The following NGDN variants were observed in gnomAD, a reference collection of about 807,000 sequenced individuals.
NGDN encodes EIF4E-binding protein.
Under a neutral mutation model 45.2 loss-of-function variants are expected in NGDN, and 41 were observed. That is an observed-to-expected ratio of 0.91 (90% confidence interval 0.71 to 1.18). The LOEUF (loss-of-function observed/expected upper bound fraction) is 1.18. Ranked by LOEUF, NGDN falls within the 50% of genes most tolerant of loss-of-function variation. NGDN has a pLI of 0.00. For synonymous variants in NGDN, 137 were observed against 130.9 expected, an observed-to-expected ratio of 1.05 and a Z score of -0.32; for missense variants, 402 against 399.9, an observed-to-expected ratio of 1.01 and a Z score of -0.05.
intron 2 of NGDN, 88 bp downstream of exon 2, chr14:23,470,189 G>T (rs775101655): frequency 8.9e-7 from 1 of 1,129,438 alleles, no homozygotes; most frequent in Non-Finnish European, 1.3e-6. Flanking sequence ...ATTGAGATAC[G>T]TGAATGCTTC....
Position 23,469,721 on chromosome 14 carries a change from GGC to G in NGDN, c.9_10del (p.Leu4GlyfsTer80). MA[A>X]LGVLESDLPS... ...AAGGGGTGGGCTTTGCGAAGATGGC[GGC>G]GCTGGTGAGTTTGGTGTGGTTTCTT... On this transcript the variant is annotated frameshift_variant, in exon 1 of 11. Transcript: ENST00000408901. LOFTEE classifies it high-confidence loss of function. 6.2e-7 allele frequency: 1 copy of G among 1,614,164 alleles called. No individual in the cohort carries two copies. Among genetic ancestry groups the G allele is most frequent in the Non-Finnish European group, 8.5e-7 (1 of 1,180,014 alleles).
intron 3 of NGDN, among the ~76,000 whole-genome samples, chr14:23,472,242 T>C (rs1893797290): frequency 6.8e-6 from 1 of 147,778 alleles, no homozygotes; most frequent in South Asian, 2.1e-4. Flanking sequence ...ACACCTATAA[T>C]TCCAGCACTT....
intron 10 of NGDN, chr14:23,477,780 C>T: frequency 2.1e-6 from 3 of 1,455,844 alleles, no homozygotes; most frequent in Non-Finnish European, 2.7e-6. Context: ...GGTCCCACAG[C>T]TCCTGTTCAG....
intron 10 of NGDN, chr14:23,477,762 G>A (rs539782366): frequency 3.7e-4 from 535 of 1,456,002 alleles, no homozygotes; most frequent in Non-Finnish European, 4.5e-4. Flanking sequence ...TCTGGATTCT[G>A]CCTCTAAGGT....
chr14:23,471,894 A>G (rs1893785697), intron 3 of NGDN, among the ~76,000 whole-genome samples: 1 of 152,142 alleles, frequency 6.6e-6, no homozygotes, highest in Admixed American at 6.5e-5. Context: ...ATGTTAAAAT[A>G]TGAAAACCAT....
intron 6 of NGDN, 24 bp downstream of exon 6, chr14:23,475,802 G>T (rs777806835): frequency 6.2e-7 from 1 of 1,608,158 alleles, no homozygotes; most frequent in Non-Finnish European, 8.5e-7. Flanking sequence ...GTATTCTCCT[G>T]ATTTTTTTCT....
intron 1 of NGDN, 86 bp from the exon 2 acceptor site, chr14:23,469,956 G>A (rs1893733572): frequency 1.4e-6 from 2 of 1,427,122 alleles, no homozygotes. Context: ...GACGGAGAGA[G>A]GGCAGTTTCC....
intron 3 of NGDN, among the ~76,000 whole-genome samples, chr14:23,473,439 G>A: frequency 6.6e-6 from 1 of 152,240 alleles, no homozygotes; most frequent in East Asian, 1.9e-4. Context: ...CTTTTACTAG[G>A]TGCTTTATAG....
rs143681740 is a variant in NGDN, at chr14:23,478,039, A to T, written c.*13A>T. ...GAGGCGGCGGTGATTATGGGTGTAC[A>T]TATTTGTATATTTTTTGTCATCCTG... On this transcript the variant is annotated 3_prime_UTR_variant, in exon 11 of 11. Transcript: ENST00000408901. The T allele has an allele frequency of 2.6e-3, 4,182 of 1,612,658 alleles. 9 individuals are homozygous for T. Among genetic ancestry groups the T allele is most frequent in the Non-Finnish European group, 3.4e-3 (3,979 of 1,178,860 alleles).
intron 1 of NGDN, 47 bp from the exon 2 acceptor site, chr14:23,469,995 C>T: frequency 6.3e-7 from 1 of 1,590,658 alleles, no homozygotes; most frequent in Non-Finnish European, 8.6e-7. Flanking sequence ...TTCCTATAAT[C>T]CTGAGGAAAG....
At chr14:23,477,053 G>A (rs1230446925) in intron 8 of NGDN, 147 bp from the exon 9 acceptor site, 6 of 682,468 alleles carry the variant, frequency 8.8e-6, no homozygotes, top group Non-Finnish European at 1.5e-5. Flanking sequence ...CATTCAATAT[G>A]TCCTTACTAA....
In NGDN at chr14:23,469,865, C is replaced by T. The variant is rs1313635783; in HGVS notation, c.12+138C>T. ...AGGGAGGCGGCCTCCCTAGAGTTAC[C>T]GTTCCTGTCCGGTAACCCAAGGGGC... On this transcript the variant is annotated intron_variant, in intron 1 of 10. Coordinates refer to ENST00000408901, the MANE Select transcript of NGDN (RefSeq NM_001042635.2). The T allele has an allele frequency of 2.3e-6, 3 of 1,289,944 alleles. No homozygotes were observed. The East Asian group carries it at 7.0e-5, about 30-fold the overall frequency. 79.9% of individuals were successfully genotyped at this position (1,289,944 alleles called of 1,614,324 possible). A position where few individuals can be genotyped will look rare whatever the true frequency, so the allele number is the denominator to read the frequency against.
chr14:23,476,391 C>T lies in NGDN; in HGVS notation c.697C>T (p.Gln233Ter). The change falls in exon 8 of 11, where the codon CAG (glutamine) becomes TAG (stop). Residue 233 changes from glutamine to a stop codon, truncating the protein, a stop_gained. Coordinates refer to ENST00000408901, the MANE Select transcript of NGDN (RefSeq NM_001042635.2). LOFTEE classifies it high-confidence loss of function. ...ARHPHVTRQSQEDQHRINYEE... is the reference protein window; with the variant it reads ...ARHPHVTRQS Reference sequence around the variant, plus strand: ...GCATCCCCATGTTACCCGCCAGAGTCAGGAGGACCAACACAGGTCTGAGCC... The same window carrying T: ...GCATCCCCATGTTACCCGCCAGAGTTAGGAGGACCAACACAGGTCTGAGCC... The T allele has an allele frequency of 6.2e-7, 1 of 1,611,772 alleles. No homozygotes were observed. Among genetic ancestry groups the T allele is most frequent in the South Asian group, 1.1e-5 (1 of 90,984 alleles).
chr14:23,473,341 G>A (rs142494888), intron 3 of NGDN, among the ~76,000 whole-genome samples: 179 of 152,252 alleles, frequency 1.2e-3, no homozygotes, highest in Admixed American at 9.5e-3. Context: ...TTTTGGAGAT[G>A]GATGAGTTGC....
rs982689709 is a variant in NGDN at position 23,470,791 on chromosome 14, C to G, written c.73-115C>G. 4.2e-6 allele frequency: 3 copies of G among 721,504 alleles called. No homozygotes were observed. In the South Asian group the frequency reaches 5.8e-5, roughly 14 times the overall value. The allele number at this position is 721,504 out of a possible 1,614,324, so 44.7% of individuals were successfully genotyped here. On this transcript the variant is annotated intron_variant, in intron 2 of 10. Transcript: ENST00000408901. The stretch of plus-strand genomic sequence containing the variant: ...CGAGAAGTGAGAAGATAGTACTATA[C>G]TTTAGACAGTGTTTCAGATAATTTT...
At chr14:23,475,966 G>T in intron 6 of NGDN, 63 bp from the exon 7 acceptor site, 1 of 1,604,322 alleles carries the variant, frequency 6.2e-7, no homozygotes, top group Non-Finnish European at 8.5e-7. Context: ...CTCCAGCTTT[G>T]GGTTTTCTTC....
At chr14:23,470,009 G>T (rs1893734880) in intron 1 of NGDN, 33 bp from the exon 2 acceptor site, 2 of 1,608,252 alleles carry the variant, frequency 1.2e-6, no homozygotes, top group East Asian at 2.2e-5. Flanking sequence ...AGGAAAGAAT[G>T]ACTTTTCTTT....
rs750633354 is a variant in NGDN, at chr14:23,477,991, T to C, written c.929-16T>C. On this transcript the variant is annotated splice_polypyrimidine_tract_variant and intron_variant, in intron 10 of 10. Transcript: ENST00000408901. Reference sequence around the variant, plus strand: ...CAACTGTCCTTTGCCTCATTCTTGGTTTCCCTTCCTTTCAGGTTTTCGGAG... The same window carrying C: ...CAACTGTCCTTTGCCTCATTCTTGGCTTCCCTTCCTTTCAGGTTTTCGGAG... The C allele has an allele frequency of 6.2e-7, 1 of 1,614,090 alleles. No individual in the cohort carries two copies. The highest frequency in any genetic ancestry group is 8.5e-7 in the Non-Finnish European group (1 of 1,180,030).
chr14:23,473,861 A>G (rs1418738972), intron 3 of NGDN, among the ~76,000 whole-genome samples: 5 of 152,078 alleles, frequency 3.3e-5, no homozygotes, highest in African/African-American at 1.2e-4. Context: ...GTATTTACCC[A>G]TAGAATATTT....
Sources: gnomAD v4.1 joint callset for allele counts (sites outside exome capture counted in the v4.1 genomes callset) on GRCh38, gnomAD v4.1.1 for gene constraint, MANE v1.5 for transcripts, NCBI Gene and HGNC (gene_info 2026-07-23, HGNC 2026-07-21) for gene names.